C2CD5: variants seen among roughly 807,000 people sequenced by gnomAD.
C2CD5 encodes the protein C2 calcium dependent domain containing 5.
In C2CD5, 109 loss-of-function variants were observed where a neutral mutation model predicts 130.3. That is an observed-to-expected ratio of 0.84 (90% CI 0.72 to 0.98). C2CD5 has a LOEUF of 0.98. Among genes scored for constraint, C2CD5 ranks in the 50% least tolerant of loss-of-function variants. The probability of loss-of-function intolerance (pLI) is 0.00; values close to 1 mark genes in which losing one functional copy is unlikely to be tolerated. For synonymous variants in C2CD5, 454 were observed against 429.2 expected (o/e 1.06, Z -0.71); for missense variants, 996 against 1,261.8 (o/e 0.79, Z 3.19).
intron 1 of C2CD5, 55 bp downstream of exon 1, chr12:22,544,265 A>G: frequency 1.0e-6 from 1 of 994,818 alleles, no homozygotes; most frequent in Non-Finnish European, 1.4e-6. Flanking sequence ...ACAGCGAAGG[A>G]GCGCGCGGGG....
chr12:22,509,832 A>C (rs1388253260), intron 9 of C2CD5, among the ~76,000 whole-genome samples: 1 of 152,206 alleles, frequency 6.6e-6, no homozygotes, highest in Non-Finnish European at 1.5e-5. Context: ...AAACTTTATC[A>C]TCTGGTTTCA....
At chr12:22,490,688 T>C (rs1946222390) in intron 11 of C2CD5, among the ~76,000 whole-genome samples, 1 of 152,116 alleles carries the variant, frequency 6.6e-6, no homozygotes, top group South Asian at 2.1e-4. Flanking sequence ...TAAATCATTA[T>C]AAAGGTTTCT....
In C2CD5 at chr12:22,453,996, AAC is replaced by A. The variant is rs1387942248; in HGVS notation, c.2922_2923del (p.Phe975CysfsTer31). 47 of 1,613,716 alleles carry A rather than the reference AAC, an allele frequency of 2.9e-5. No individual in the cohort carries two copies. Among genetic ancestry groups the A allele is most frequent in the Non-Finnish European group, 4.0e-5 (47 of 1,179,734 alleles). On this transcript the variant is annotated frameshift_variant, in exon 26 of 27. Coordinates refer to ENST00000446597, the MANE Select transcript of C2CD5 (RefSeq NM_001286176.2). LOFTEE classifies it high-confidence loss of function. The stretch of plus-strand genomic sequence containing the variant: ...AGCAACATGAGCTCTCACCATTGCA[AAC>A]ACTTCAGCAATAAAAGCATGGAGAA...
intron 10 of C2CD5, among the ~76,000 whole-genome samples, chr12:22,499,749 G>C (rs1436840051): frequency 6.6e-6 from 1 of 152,164 alleles, no homozygotes; most frequent in African/African-American, 2.4e-5. Context: ...TGTAAATGCT[G>C]CAATCTGCTT....
At chr12:22,540,863 A>AAAT (rs1409405604) in intron 2 of C2CD5, among the ~76,000 whole-genome samples, 1 of 152,210 alleles carries the variant, frequency 6.6e-6, no homozygotes, top group Non-Finnish European at 1.5e-5. Context: ...TATCTCAAAA[A>AAAT]AATAATAATG....
In C2CD5 at chr12:22,459,353, C is replaced by T. The variant is rs1209822270; in HGVS notation, c.2584+139G>A. The stretch of plus-strand genomic sequence containing the variant: ...GATGCTTTTAAAAGAACATATTCTA[C>T]CTACAAAAAAAAAAAAGCCAGATTT... On this transcript the variant is annotated intron_variant, in intron 23 of 26. Transcript: ENST00000446597. 15 of 487,502 alleles carry T rather than the reference C, an allele frequency of 3.1e-5. No homozygotes were observed. In the East Asian group the frequency reaches 4.7e-4, roughly 15 times the overall value. The allele number at this position is 487,502 out of a possible 1,614,324, so 30.2% of individuals were successfully genotyped here.
intron 7 of C2CD5, 114 bp downstream of exon 7, chr12:22,523,312 A>T (rs1253736823): frequency 2.7e-6 from 2 of 737,596 alleles, no homozygotes; most frequent in Non-Finnish European, 4.3e-6. Context: ...CACCAATAAA[A>T]ATCATCACAG....
At chr12:22,502,864 C>G in intron 10 of C2CD5, 1 of 911,580 alleles carries the variant, frequency 1.1e-6, no homozygotes, top group South Asian at 1.5e-5. Context: ...AGGAATAAAA[C>G]AAAAAACACT....
chr12:22,521,840 G>A (rs897600599), intron 7 of C2CD5, among the ~76,000 whole-genome samples: 18 of 152,060 alleles, frequency 1.2e-4, no homozygotes, highest in African/African-American at 4.3e-4. Flanking sequence ...AATGCACTTA[G>A]GATAAAGATG....
At chr12:22,525,376 C>T (rs1290421960) in intron 5 of C2CD5, among the ~76,000 whole-genome samples, 1 of 152,168 alleles carries the variant, frequency 6.6e-6, no homozygotes, top group Non-Finnish European at 1.5e-5. Flanking sequence ...TCCTATACTA[C>T]AGTGAAATGT....
intron 16 of C2CD5, among the ~76,000 whole-genome samples, chr12:22,473,493 G>A (rs17339019): frequency 6.0e-4 from 91 of 152,146 alleles, no homozygotes; most frequent in Admixed American, 1.0e-3. Context: ...CCAGGATCTC[G>A]AGCATTCTCC....
At chr12:22,537,899 C>T (rs1462148796) in intron 2 of C2CD5, among the ~76,000 whole-genome samples, 3 of 152,166 alleles carry the variant, frequency 2.0e-5, no homozygotes, top group South Asian at 2.1e-4. Flanking sequence ...ATTAATACTT[C>T]GCTTGTACAG....
At position 22,490,200 on chromosome 12, in the gene C2CD5, TA is replaced by T; in HGVS notation, c.1280del (p.Leu427TyrfsTer10). On this transcript the variant is annotated frameshift_variant, in exon 12 of 27. Coordinates refer to ENST00000446597, the MANE Select transcript of C2CD5 (RefSeq NM_001286176.2). LOFTEE classifies it high-confidence loss of function. ...GTACAGCCGCTGTGCCAGATGCAGA[TA>T]AAATGCAGACCTCTTCACTATAAAG... is the stretch of plus-strand genomic sequence containing the variant. ...STSICEEVCILSASGTAAVLN... is the reference protein window; with the variant it reads ...STSICEEVCIXSASGTAAVLN... 1 of 1,612,942 alleles carries T rather than the reference TA, an allele frequency of 6.2e-7. No individual in the cohort carries two copies. Among genetic ancestry groups the T allele is most frequent in the African/African-American group, 1.3e-5 (1 of 74,986 alleles).
intron 14 of C2CD5, among the ~76,000 whole-genome samples, chr12:22,478,971 C>G (rs943394866): frequency 6.6e-6 from 1 of 152,054 alleles, no homozygotes; most frequent in African/African-American, 2.4e-5. Flanking sequence ...TGGTAATAAG[C>G]GTTGGTTTCT....
At chr12:22,537,484 GA>G (rs1385386554) in intron 2 of C2CD5, among the ~76,000 whole-genome samples, 2 of 152,198 alleles carry the variant, frequency 1.3e-5, no homozygotes, top group African/African-American at 4.8e-5. Flanking sequence ...CTCTAGTACA[GA>G]AGAATCTCGG....
rs756121071 is a variant in C2CD5, at chr12:22,525,614, A to G, written c.441T>C (p.Phe147=). 35 of 1,466,716 alleles carry G rather than the reference A, an allele frequency of 2.4e-5. No individual in the cohort carries two copies. The highest frequency in any genetic ancestry group is 3.2e-5 in the Non-Finnish European group (34 of 1,046,626). 90.9% of individuals were successfully genotyped at this position (1,466,716 alleles called of 1,614,324 possible). ...FRQSSCGVKF[F]CTTSIPKCYR... ...TAATAGAATGTATTTACTTACTGCA[A>G]AAGAATTTGACTCCACATGATGACT... The change falls in exon 5 of 27, where the codon TTT becomes TTC. Residue 147 remains phenylalanine, a synonymous_variant. Transcript: ENST00000446597.
chr12:22,474,408 A>G (rs912198199), intron 16 of C2CD5, among the ~76,000 whole-genome samples: 9 of 152,204 alleles, frequency 5.9e-5, no homozygotes, highest in Non-Finnish European at 1.5e-5. Flanking sequence ...ACAGTAATAT[A>G]CAAAAAAGGT....
At chr12:22,478,166 G>T in intron 15 of C2CD5, 147 bp downstream of exon 15, 1 of 664,780 alleles carries the variant, frequency 1.5e-6, no homozygotes, top group Admixed American at 2.4e-5. Context: ...GGAGACAGTT[G>T]AGCAAAGACA....
chr12:22,485,677 G>A (rs1417200597), intron 12 of C2CD5, among the ~76,000 whole-genome samples: 3 of 152,108 alleles, frequency 2.0e-5, no homozygotes, highest in Non-Finnish European at 4.4e-5. Flanking sequence ...TTGAATTTCA[G>A]TTTGTTTGAA....
Sources: gnomAD v4.1 joint callset for allele counts (sites outside exome capture counted in the v4.1 genomes callset) on GRCh38, gnomAD v4.1.1 for gene constraint, MANE v1.5 for transcripts, NCBI Gene and HGNC (gene_info 2026-07-23, HGNC 2026-07-21) for gene names.